Variants in GRID2 observed in about 807,000 individuals in gnomAD.
GRID2 encodes glutamate receptor ionotropic, delta-2.
In GRID2, 33 loss-of-function variants were observed where a neutral mutation model predicts 114.8. The observed-to-expected ratio is 0.29, with a 90% CI of 0.22 to 0.38. The LOEUF (loss-of-function observed/expected upper bound fraction) is 0.38. Among genes scored for constraint, GRID2 ranks in the 10% least tolerant of loss-of-function variants. The pLI, the probability that GRID2 is intolerant of heterozygous loss-of-function variation, is 1.00. For synonymous variants in GRID2, 505 were observed against 449.9 expected (o/e 1.12, Z -1.55); for missense variants, 1,184 against 1,257.7 (o/e 0.94, Z 0.89).
chr4:92,762,483 T>G (rs1300844125), intron 2 of GRID2, among the ~76,000 whole-genome samples: 1 of 152,100 alleles, frequency 6.6e-6, no homozygotes. Context: ...TCTTTTTATC[T>G]GAGAAATTCA....
chr4:93,326,364 G>A (rs187764341), intron 8 of GRID2, among the ~76,000 whole-genome samples: 143 of 152,276 alleles, frequency 9.4e-4, no homozygotes, highest in Middle Eastern at 3.4e-3. Context: ...ATGGACTGCA[G>A]TTGCTGCAAA....
intron 14 of GRID2, among the ~76,000 whole-genome samples, chr4:93,759,522 C>A (rs561430447): frequency 6.6e-6 from 1 of 152,088 alleles, no homozygotes; most frequent in African/African-American, 2.4e-5. Context: ...ATTGTTTAAA[C>A]TCTAAGAAAA....
At chr4:92,715,610 G>A (rs1483353598) in intron 2 of GRID2, among the ~76,000 whole-genome samples, 1 of 152,210 alleles carries the variant, frequency 6.6e-6, no homozygotes, top group African/African-American at 2.4e-5. Flanking sequence ...CATGGTGGAA[G>A]AAGATGAAAG....
rs1019390408 is a variant in GRID2, at chr4:93,143,845, A to G, written c.735+32892A>G. Among the ~76,000 whole-genome samples, 21 of 152,088 alleles carry G rather than the reference A, an allele frequency of 1.4e-4. No individual in the cohort carries two copies. The South Asian group carries it at 1.4e-3, about 10-fold the overall frequency. ...GGAGCAAAATACATTTCGTTTGCCT[A>G]TCTTTTATTTGCATTGCATATGAGC... On this transcript the variant is annotated intron_variant, in intron 4 of 15. Transcript: ENST00000282020.
At chr4:92,532,640 C>T (rs984294207) in intron 1 of GRID2, among the ~76,000 whole-genome samples, 6 of 151,984 alleles carry the variant, frequency 3.9e-5, no homozygotes, top group Non-Finnish European at 8.8e-5. Flanking sequence ...TAACCAATAA[C>T]GTTGTCATAC....
intron 13 of GRID2, among the ~76,000 whole-genome samples, chr4:93,564,582 A>G (rs1282553754): frequency 6.6e-6 from 1 of 152,070 alleles, no homozygotes; most frequent in Non-Finnish European, 1.5e-5. Context: ...TAATAAGTGG[A>G]TGGTACCCCT....
chr4:93,212,344 A>AT (rs1205771026), intron 5 of GRID2, among the ~76,000 whole-genome samples: 2 of 152,010 alleles, frequency 1.3e-5, no homozygotes, highest in African/African-American at 2.4e-5. Context: ...AAAACAATAT[A>AT]TTTTTTTCAT....
At chr4:93,035,517 G>A (rs924930959) in intron 2 of GRID2, among the ~76,000 whole-genome samples, 1 of 152,098 alleles carries the variant, frequency 6.6e-6, no homozygotes, top group Non-Finnish European at 1.5e-5. Context: ...CATTGTTTCT[G>A]TGGGTCGCCT....
chr4:93,126,263 G>T (rs1216830622), intron 4 of GRID2, among the ~76,000 whole-genome samples: 1 of 151,468 alleles, frequency 6.6e-6, no homozygotes, highest in Non-Finnish European at 1.5e-5. Context: ...TTTTCAAATT[G>T]CCAGTTTTAA....
intron 9 of GRID2, among the ~76,000 whole-genome samples, chr4:93,404,981 T>C (rs888190765): frequency 2.6e-5 from 4 of 152,118 alleles, no homozygotes; most frequent in African/African-American, 7.2e-5. Flanking sequence ...GACAATTCAG[T>C]AAGAAATTTC....
At chr4:93,260,696 T>G (rs1750160208) in intron 8 of GRID2, among the ~76,000 whole-genome samples, 1 of 151,806 alleles carries the variant, frequency 6.6e-6, no homozygotes, top group Non-Finnish European at 1.5e-5. Context: ...GTACCCAACG[T>G]TCATAAATCC....
intron 1 of GRID2, among the ~76,000 whole-genome samples, chr4:92,494,519 C>A (rs1380126496): frequency 2.0e-5 from 3 of 151,868 alleles, no homozygotes; most frequent in African/African-American, 7.2e-5. Context: ...TTACAAAAAA[C>A]TTCTGCATGT....
At chr4:92,803,404 G>C (rs1485689627) in intron 2 of GRID2, among the ~76,000 whole-genome samples, 1 of 151,896 alleles carries the variant, frequency 6.6e-6, no homozygotes, top group Non-Finnish European at 1.5e-5. Flanking sequence ...TATTTATATA[G>C]ATTCAATGTT....
intron 13 of GRID2, among the ~76,000 whole-genome samples, chr4:93,559,054 C>T (rs1449670161): frequency 1.3e-5 from 2 of 152,108 alleles, no homozygotes; most frequent in Non-Finnish European, 2.9e-5. Context: ...GCTAAAAACT[C>T]TCAATAAACT....
At chr4:92,435,290 C>A (rs531227078) in intron 1 of GRID2, among the ~76,000 whole-genome samples, 4 of 151,934 alleles carry the variant, frequency 2.6e-5, no homozygotes, top group Non-Finnish European at 5.9e-5. Flanking sequence ...GCTTTGTGAT[C>A]GAAGGAGTTT....
intron 2 of GRID2, among the ~76,000 whole-genome samples, chr4:92,760,237 CAAAAAAAAAA>C (rs982301426): frequency 1.6e-4 from 6 of 38,412 alleles, no homozygotes; most frequent in African/African-American, 3.8e-4. Flanking sequence ...GACTCTGTCT[CAAAAAAAAAA>C]AAAAAAAAAA....
intron 9 of GRID2, among the ~76,000 whole-genome samples, chr4:93,407,735 C>T (rs868857854): frequency 0.18 from 21,286 of 115,900 alleles, 3,534 homozygotes; most frequent in African/African-American, 0.41. Flanking sequence ...TCCTCCTCCT[C>T]CTCCTCCTCC....
chr4:93,386,850 C>T (rs1764364454), intron 8 of GRID2, among the ~76,000 whole-genome samples: 1 of 152,128 alleles, frequency 6.6e-6, no homozygotes, highest in Admixed American at 6.6e-5. Context: ...GGCAGAGGCT[C>T]CTGGAAAGGT....
In GRID2 at chr4:92,800,793, A is replaced by C. The variant is rs149760902; in HGVS notation, c.244+210507A>C. On this transcript the variant is annotated intron_variant, in intron 2 of 15. Transcript: ENST00000282020. ...GACATTATGCCTAGGCCACTCTTGG[A>C]CAGATTTAGACCCAAAAATGTTTTC... Among the ~76,000 whole-genome samples, 81 of 152,104 alleles carry C rather than the reference A, an allele frequency of 5.3e-4. No individual in the cohort carries two copies. The East Asian group carries it at 0.015, about 29-fold the overall frequency.
Sources: gnomAD v4.1 joint callset for allele counts (sites outside exome capture counted in the v4.1 genomes callset) on GRCh38, gnomAD v4.1.1 for gene constraint, MANE v1.5 for transcripts, NCBI Gene and HGNC (gene_info 2026-07-23, HGNC 2026-07-21) for gene names.